DGKB: variants seen among roughly 807,000 people sequenced by gnomAD.
DGKB encodes 90 kDa diacylglycerol kinase.
In DGKB, 67 loss-of-function variants were observed where a neutral mutation model predicts 114.3. The observed-to-expected ratio is 0.59, with a 90% CI of 0.48 to 0.72. The LOEUF is 0.72. DGKB is among the 30% of genes least tolerant of loss of function. The pLI is 0.00. For missense variants in DGKB, 907 were observed against 975.2 expected (o/e 0.93, Z 0.93); for synonymous variants, 398 against 323.1 (o/e 1.23, Z -2.49).
At chr7:14,665,936 C>G (rs530623314) in intron 13 of DGKB, among the ~76,000 whole-genome samples, 3 of 151,952 alleles carry the variant, frequency 2.0e-5, no homozygotes, top group Non-Finnish European at 4.4e-5. Context: ...TGTGACCTCA[C>G]AAATTTATGT....
At chr7:14,653,060 C>T (rs1023794765) in intron 13 of DGKB, among the ~76,000 whole-genome samples, 1 of 150,974 alleles carries the variant, frequency 6.6e-6, no homozygotes, top group African/African-American at 2.4e-5. Flanking sequence ...GTTGGTGGGA[C>T]TGTAAACTAG....
chr7:14,643,582 AT>A (rs1276898223), intron 13 of DGKB, among the ~76,000 whole-genome samples: 1 of 152,140 alleles, frequency 6.6e-6, no homozygotes, highest in African/African-American at 2.4e-5. Context: ...TGTTCCCAGC[AT>A]CTGAGCCCAT....
intron 21 of DGKB, among the ~76,000 whole-genome samples, chr7:14,412,776 G>A (rs570668399): frequency 6.6e-6 from 1 of 152,204 alleles, no homozygotes; most frequent in East Asian, 1.9e-4. Context: ...GAGGTCAGGA[G>A]TTCGAGACCA....
chr7:14,917,904 C>T (rs551283337), intron 1 of DGKB, among the ~76,000 whole-genome samples: 1 of 151,986 alleles, frequency 6.6e-6, no homozygotes, highest in Non-Finnish European at 1.5e-5. Context: ...GAACTATACA[C>T]CACCACCAAG....
At chr7:14,296,753 A>AG (rs1387965576) in intron 23 of DGKB, among the ~76,000 whole-genome samples, 26 of 132,274 alleles carry the variant, frequency 2.0e-4, no homozygotes, top group Non-Finnish European at 2.7e-4. Flanking sequence ...CAGTGAATCC[A>AG]GGGACTGTTT....
In DGKB at chr7:14,589,381, T is replaced by C. The variant is rs80202414; in HGVS notation, c.1434-6244A>G. On this transcript the variant is annotated intron_variant, in intron 17 of 25. Coordinates refer to ENST00000402815, the MANE Select transcript of DGKB (RefSeq NM_001350709.2). ...CTCTAGTCTTTATAATTGTTATTTC[T>C]TTCCCTGAGTCTTTTTCCTTGACAG... is the stretch of plus-strand genomic sequence containing the variant. 6.8e-3 allele frequency among the ~76,000 whole-genome samples: 1,028 copies of C among 152,096 alleles called. 16 individuals are homozygous for C. Among genetic ancestry groups the C allele is most frequent in the African/African-American group, 0.022 (912 of 41,550 alleles).
At chr7:14,285,063 C>T (rs951672809) in intron 23 of DGKB, among the ~76,000 whole-genome samples, 1 of 151,938 alleles carries the variant, frequency 6.6e-6, no homozygotes, top group Non-Finnish European at 1.5e-5. Context: ...GAAAATTATA[C>T]TGCTAAACCT....
intron 20 of DGKB, among the ~76,000 whole-genome samples, chr7:14,564,523 G>T (rs1241305943): frequency 6.6e-6 from 1 of 152,156 alleles, no homozygotes; most frequent in Admixed American, 6.5e-5. Context: ...CTATATGTTT[G>T]TCAGGGGAAG....
chr7:14,925,872 C>G (rs1481623677), intron 1 of DGKB, among the ~76,000 whole-genome samples: 3 of 146,544 alleles, frequency 2.0e-5, no homozygotes, highest in Admixed American at 6.9e-5. Context: ...GGGTCCCCCC[C>G]CCACTTCCAG....
At position 14,718,591 on chromosome 7, in the gene DGKB, G is replaced by C; in HGVS notation, c.417C>G (p.Val139=). 6.2e-7 allele frequency: 1 copy of C among 1,613,134 alleles called. No homozygotes were observed. The highest frequency in any genetic ancestry group is 8.5e-7 in the Non-Finnish European group (1 of 1,179,406). Residue 139 remains valine, a synonymous_variant, in exon 6 of 26, where the codon GTC becomes GTG. Transcript: ENST00000402815. The part of the protein sequence containing the change: ...SPEVIHLKDI[V]CYLSLLERGR... ...CTCTTTCAAGCAGAGACAGGTAACA[G>C]ACAATGTCCTTCAGATGGATTACTT...
intron 23 of DGKB, among the ~76,000 whole-genome samples, chr7:14,245,070 G>A (rs1794273729): frequency 6.6e-6 from 1 of 152,050 alleles, no homozygotes; most frequent in Non-Finnish European, 1.5e-5. Flanking sequence ...AAGGAAAATT[G>A]AGATTCATGA....
intron 23 of DGKB, among the ~76,000 whole-genome samples, chr7:14,259,428 T>TAC (rs1181581771): frequency 4.3e-4 from 64 of 149,920 alleles, no homozygotes; most frequent in African/African-American, 1.6e-3. Flanking sequence ...TATATATATA[T>TAC]GGTTTTGTTT....
At chr7:14,267,781 T>G (rs1021509191) in intron 23 of DGKB, among the ~76,000 whole-genome samples, 5 of 152,084 alleles carry the variant, frequency 3.3e-5, no homozygotes, top group Non-Finnish European at 5.9e-5. Flanking sequence ...GAGCCACCGT[T>G]CCCGGCCTAT....
chr7:14,284,918 G>A (rs1171487828), intron 23 of DGKB, among the ~76,000 whole-genome samples: 3 of 150,354 alleles, frequency 2.0e-5, no homozygotes, highest in Non-Finnish European at 3.0e-5. Context: ...GCTAGATGAC[G>A]AGTTAGTGGG....
intron 23 of DGKB, among the ~76,000 whole-genome samples, chr7:14,303,869 T>G (rs749519474): frequency 1.3e-5 from 2 of 152,052 alleles, no homozygotes; most frequent in Non-Finnish European, 2.9e-5. Context: ...ATCGCCACCA[T>G]GAAAATTACC....
intron 23 of DGKB, among the ~76,000 whole-genome samples, chr7:14,232,624 C>T (rs1792084663): frequency 6.6e-6 from 1 of 151,864 alleles, no homozygotes; most frequent in Non-Finnish European, 1.5e-5. Flanking sequence ...GTATAGCATG[C>T]ACTCAGGACT....
At chr7:14,350,360 T>C (rs921449574) in intron 21 of DGKB, among the ~76,000 whole-genome samples, 10 of 152,176 alleles carry the variant, frequency 6.6e-5, no homozygotes, top group Admixed American at 2.0e-4. Flanking sequence ...ATTTTGGCTT[T>C]CATCGGCTTA....
chr7:14,838,425 G>C (rs372489681), intron 2 of DGKB, among the ~76,000 whole-genome samples: 2 of 152,180 alleles, frequency 1.3e-5, no homozygotes, highest in African/African-American at 4.8e-5. Flanking sequence ...TAATAAACAA[G>C]CCAAATTCAA....
At chr7:14,435,465 A>T (rs1829097733) in intron 21 of DGKB, among the ~76,000 whole-genome samples, 1 of 152,124 alleles carries the variant, frequency 6.6e-6, no homozygotes, top group South Asian at 2.1e-4. Flanking sequence ...TTTATCCCCT[A>T]TGAAAGATGG....
Sources: gnomAD v4.1 joint callset for allele counts (sites outside exome capture counted in the v4.1 genomes callset) on GRCh38, gnomAD v4.1.1 for gene constraint, MANE v1.5 for transcripts, NCBI Gene and HGNC (gene_info 2026-07-23, HGNC 2026-07-21) for gene names.